Variants in MYO1D observed in about 807,000 individuals in gnomAD.
MYO1D encodes the protein myosin ID.
Under a neutral mutation model 122.0 loss-of-function variants are expected in MYO1D, and 83 were observed. That is an observed-to-expected ratio of 0.68 (90% CI 0.57 to 0.82). The LOEUF (loss-of-function observed/expected upper bound fraction) is 0.82. Ranked by LOEUF, MYO1D falls within the 40% of genes least tolerant of loss-of-function variation. The pLI, the probability that MYO1D is intolerant of heterozygous loss-of-function variation, is 0.00. For synonymous variants in MYO1D, 464 were observed against 446.9 expected (o/e 1.04, Z -0.48); for missense variants, 1,157 against 1,269.5 (o/e 0.91, Z 1.35).
intron 1 of MYO1D, among the ~76,000 whole-genome samples, chr17:32,874,122 A>G (rs1430801599): frequency 6.6e-6 from 1 of 152,210 alleles, no homozygotes; most frequent in Non-Finnish European, 1.5e-5. Context: ...CTCTTCCTCT[A>G]TAAGGTGTTT....
intron 13 of MYO1D, among the ~76,000 whole-genome samples, chr17:32,744,951 G>A (rs1433733317): frequency 6.6e-6 from 1 of 152,238 alleles, no homozygotes; most frequent in Non-Finnish European, 1.5e-5. Context: ...GGTAGGGGAT[G>A]CTGGAAGGCT....
intron 1 of MYO1D, among the ~76,000 whole-genome samples, chr17:32,790,678 G>T (rs985096390): frequency 7.9e-5 from 12 of 152,206 alleles, no homozygotes; most frequent in African/African-American, 2.2e-4. Context: ...TTCTGAGACA[G>T]ACTTTTCATT....
chr17:32,742,113 C>G (rs1007809599), intron 13 of MYO1D, among the ~76,000 whole-genome samples: 1 of 151,646 alleles, frequency 6.6e-6, no homozygotes, highest in South Asian at 2.1e-4. Flanking sequence ...TCATTATTCT[C>G]TAAACAATAC....
chr17:32,553,828 G>A (rs2087044342), intron 21 of MYO1D, among the ~76,000 whole-genome samples: 1 of 152,044 alleles, frequency 6.6e-6, no homozygotes, highest in Non-Finnish European at 1.5e-5. Context: ...CTTCCTTTAA[G>A]CTGGCTTCCC....
Position 32,778,461 on chromosome 17 carries a change from A to T in MYO1D, c.398+19T>A, listed in dbSNP as rs1353472964. 1 of 1,600,734 alleles carries T rather than the reference A, an allele frequency of 6.2e-7. No individual in the cohort carries two copies. Among genetic ancestry groups the T allele is most frequent in the South Asian group, 1.1e-5 (1 of 90,736 alleles). ...AACAGAGTGCTAAGAATTCCTCCCC[A>T]TTATTAGAGTGCTCTTACCTTTCAA... On this transcript the variant is annotated intron_variant, in intron 3 of 21. Coordinates refer to ENST00000318217, the MANE Select transcript of MYO1D (RefSeq NM_015194.3).
intron 1 of MYO1D, among the ~76,000 whole-genome samples, chr17:32,870,737 C>T (rs772755491): frequency 6.6e-6 from 1 of 151,854 alleles, no homozygotes; most frequent in African/African-American, 2.4e-5. Context: ...TCACAGAAAA[C>T]GCAAAAGGAT....
chr17:32,535,665 C>A (rs1327406372), intron 21 of MYO1D, among the ~76,000 whole-genome samples: 1 of 152,168 alleles, frequency 6.6e-6, no homozygotes, highest in Non-Finnish European at 1.5e-5. Context: ...GCAGGAGAAT[C>A]GCTTGAACCC....
chr17:32,695,941 T>C (rs1258345434), intron 16 of MYO1D, among the ~76,000 whole-genome samples: 1 of 152,204 alleles, frequency 6.6e-6, no homozygotes, highest in Non-Finnish European at 1.5e-5. Flanking sequence ...CCCTTTACTT[T>C]TAGGGGATCT....
At chr17:32,654,919 C>T (rs1439227960) in intron 17 of MYO1D, among the ~76,000 whole-genome samples, 1 of 152,178 alleles carries the variant, frequency 6.6e-6, no homozygotes, top group Non-Finnish European at 1.5e-5. Flanking sequence ...CTCAAGTGAT[C>T]TGCCTGCCTC....
chr17:32,565,240 G>A (rs919878453), intron 21 of MYO1D, among the ~76,000 whole-genome samples: 1 of 152,186 alleles, frequency 6.6e-6, no homozygotes, highest in African/African-American at 2.4e-5. Context: ...CTGACCTCAG[G>A]TGATCCTCCT....
intron 20 of MYO1D, among the ~76,000 whole-genome samples, chr17:32,612,696 C>CAAAAAAAAAAAAAAAAA (rs1158470135): frequency 7.7e-5 from 8 of 104,446 alleles, no homozygotes; most frequent in Non-Finnish European, 9.3e-5. Context: ...AAAAAAAAAA[C>CAAAAAAAAAAAAAAAAA]AAAAAAAAAA....
At chr17:32,819,287 C>T (rs1357539235) in intron 1 of MYO1D, among the ~76,000 whole-genome samples, 1 of 151,294 alleles carries the variant, frequency 6.6e-6, no homozygotes, top group African/African-American at 2.4e-5. Context: ...GGGAAGTTGG[C>T]TGTGAGGAGA....
At chr17:32,675,618 T>A (rs1020206199) in intron 16 of MYO1D, among the ~76,000 whole-genome samples, 15 of 152,150 alleles carry the variant, frequency 9.9e-5, no homozygotes, top group African/African-American at 2.9e-4. Flanking sequence ...TAAATTTATA[T>A]CTTCTTAGTA....
chr17:32,609,049 C>G (rs958402016), intron 20 of MYO1D, among the ~76,000 whole-genome samples: 3 of 152,198 alleles, frequency 2.0e-5, no homozygotes, highest in African/African-American at 4.8e-5. Flanking sequence ...TGGAACTACT[C>G]TGTATCCTGA....
intron 21 of MYO1D, chr17:32,498,597 AAGCCGCCTGCCCTC>A (rs1374394797): frequency 3.3e-5 from 5 of 152,230 alleles, no homozygotes; most frequent in Admixed American, 6.5e-5. Flanking sequence ...AGAGCCTGGG[AAGCCGCCTGCCCTC>A]GTGGAATTTA....
chr17:32,568,358 G>T (rs2087192996), intron 21 of MYO1D, among the ~76,000 whole-genome samples: 1 of 152,160 alleles, frequency 6.6e-6, no homozygotes, highest in Admixed American at 6.5e-5. Flanking sequence ...TTTAGAATAT[G>T]GTTAGTTTTC....
At chr17:32,687,326 AGC>A (rs2089030975) in intron 16 of MYO1D, among the ~76,000 whole-genome samples, 3 of 151,722 alleles carry the variant, frequency 2.0e-5, no homozygotes, top group African/African-American at 4.8e-5. Flanking sequence ...CCTCCCAAGT[AGC>A]TGGGACTCCA....
chr17:32,852,367 T>C (rs1298077314), intron 1 of MYO1D, among the ~76,000 whole-genome samples: 1 of 152,174 alleles, frequency 6.6e-6, no homozygotes, highest in African/African-American at 2.4e-5. Context: ...CCTCAGGTGA[T>C]CCACCCACCT....
intron 21 of MYO1D, among the ~76,000 whole-genome samples, chr17:32,586,846 T>C (rs1360707813): frequency 6.6e-6 from 1 of 152,224 alleles, no homozygotes; most frequent in Non-Finnish European, 1.5e-5. Context: ...GGGGTTCATA[T>C]GAAGATGCTT....
Sources: allele counts gnomAD v4.1 joint callset (sites outside exome capture counted in the v4.1 genomes callset), GRCh38; gene constraint gnomAD v4.1.1; transcripts MANE v1.5; gene names NCBI Gene and HGNC (gene_info 2026-07-23, HGNC 2026-07-21).